Variants in BNC2 observed in about 807,000 individuals in gnomAD.
BNC2 encodes the protein zinc finger protein basonuclin-2.
Under a neutral mutation model 76.3 loss-of-function variants are expected in BNC2, and 20 were observed. The observed-to-expected ratio is 0.26, with a 90% CI of 0.18 to 0.38. BNC2 has a LOEUF of 0.38. Ranked by LOEUF, BNC2 falls within the 10% of genes least tolerant of loss-of-function variation. The probability of loss-of-function intolerance (pLI) is 1.00; values close to 1 mark genes in which losing one functional copy is unlikely to be tolerated. For synonymous variants in BNC2, 582 were observed against 514.8 expected, an observed-to-expected ratio of 1.13 and a Z score of -1.77; for missense variants, 1,382 against 1,399.8, an observed-to-expected ratio of 0.99 and a Z score of 0.20.
intron 5 of BNC2, among the ~76,000 whole-genome samples, chr9:16,474,623 T>C (rs1353546193): frequency 6.6e-6 from 1 of 152,200 alleles, no homozygotes; most frequent in Non-Finnish European, 1.5e-5. Flanking sequence ...ATAAAGTATC[T>C]CTGCAACACT....
intron 1 of BNC2, among the ~76,000 whole-genome samples, chr9:16,844,737 G>A (rs561130717): frequency 5.3e-5 from 8 of 152,204 alleles, no homozygotes; most frequent in African/African-American, 1.2e-4. Flanking sequence ...TACCTCAGGT[G>A]ATCCACCTGC....
At chr9:16,605,327 A>C (rs186336187) in intron 3 of BNC2, among the ~76,000 whole-genome samples, 1 of 152,364 alleles carries the variant, frequency 6.6e-6, no homozygotes, top group Admixed American at 6.5e-5. Flanking sequence ...GCAGTGTTCT[A>C]AACACTCTGA....
chr9:16,457,362 C>T (rs1587050183), intron 5 of BNC2, among the ~76,000 whole-genome samples: 1 of 152,082 alleles, frequency 6.6e-6, no homozygotes, highest in East Asian at 1.9e-4. Context: ...AGATCAGTCC[C>T]AGGATTGCGA....
At chr9:16,622,881 C>A (rs1282804048) in intron 3 of BNC2, among the ~76,000 whole-genome samples, 3 of 151,928 alleles carry the variant, frequency 2.0e-5, no homozygotes, top group African/African-American at 7.3e-5. Context: ...ACTAAAAAAA[C>A]CTTATTATTT....
chr9:16,668,742 T>A (rs1289222060), intron 3 of BNC2, among the ~76,000 whole-genome samples: 3 of 152,246 alleles, frequency 2.0e-5, no homozygotes, highest in Non-Finnish European at 4.4e-5. Context: ...TGCTGTTACC[T>A]AGGGTAAGTG....
chr9:16,615,061 T>C (rs148496561), intron 3 of BNC2, among the ~76,000 whole-genome samples: 174 of 149,240 alleles, frequency 1.2e-3, no homozygotes, highest in African/African-American at 4.2e-3. Context: ...CACACCAGCA[T>C]GCCCCAAATT....
At position 16,435,605 on chromosome 9, in the gene BNC2, G is replaced by A. The variant is rs933149434; in HGVS notation, c.2589C>T (p.Cys863=). The A allele has an allele frequency of 5.0e-6, 8 of 1,614,176 alleles. No individual in the cohort carries two copies. The highest frequency in any genetic ancestry group is 6.8e-6 in the Non-Finnish European group (8 of 1,180,040). The change falls in exon 6 of 7, where the codon TGC becomes TGT. Residue 863 remains cysteine, a synonymous_variant. Coordinates refer to ENST00000380672, the MANE Select transcript of BNC2 (RefSeq NM_017637.6). ...ATGCAGCATTGCAACCAGCCACTGT[G>A]CAGACGTGCATCTCTTTCAAGTGAA... ...RNVHLKEMHV[C]TVAGCNAAFP...
intron 1 of BNC2, among the ~76,000 whole-genome samples, chr9:16,788,707 C>T (rs1465957983): frequency 6.6e-6 from 1 of 151,896 alleles, no homozygotes; most frequent in Non-Finnish European, 1.5e-5. Flanking sequence ...AAGATCAGTG[C>T]CTAGCAAATT....
intron 5 of BNC2, among the ~76,000 whole-genome samples, chr9:16,481,222 CA>C (rs770785327): frequency 6.6e-6 from 1 of 152,048 alleles, no homozygotes; most frequent in Non-Finnish European, 1.5e-5. Flanking sequence ...AGCGCCCTGT[CA>C]AAACAGACTA....
chr9:16,521,278 C>CT (rs1348043154), intron 5 of BNC2, among the ~76,000 whole-genome samples: 4 of 152,220 alleles, frequency 2.6e-5, no homozygotes, highest in African/African-American at 9.6e-5. Context: ...CTATCTCCCT[C>CT]TACCTCCCCT....
intron 1 of BNC2, among the ~76,000 whole-genome samples, chr9:16,747,209 C>T (rs922466667): frequency 1.3e-5 from 2 of 152,104 alleles, no homozygotes; most frequent in African/African-American, 4.8e-5. Flanking sequence ...TGTCCTTGTA[C>T]CCGCTTCTAG....
intron 5 of BNC2, among the ~76,000 whole-genome samples, chr9:16,477,280 C>A (rs1390083366): frequency 6.6e-6 from 1 of 152,038 alleles, no homozygotes; most frequent in African/African-American, 2.4e-5. Flanking sequence ...AATTTTAAAA[C>A]TATCATGCAG....
intron 5 of BNC2, among the ~76,000 whole-genome samples, chr9:16,513,372 T>C (rs989585879): frequency 2.8e-5 from 4 of 143,944 alleles, no homozygotes; most frequent in African/African-American, 5.1e-5. Context: ...AGTGGCACGA[T>C]CTCGGCTCAC....
intron 1 of BNC2, among the ~76,000 whole-genome samples, chr9:16,791,514 G>A (rs1020917208): frequency 6.6e-6 from 1 of 152,144 alleles, no homozygotes; most frequent in Admixed American, 6.6e-5. Context: ...ATTTTAGAAT[G>A]AACTGGCTCA....
intron 5 of BNC2, among the ~76,000 whole-genome samples, chr9:16,445,339 A>G (rs1821210414): frequency 6.6e-6 from 1 of 152,180 alleles, no homozygotes; most frequent in Non-Finnish European, 1.5e-5. Context: ...ACCATTCTCT[A>G]TTCACACAAA....
chr9:16,580,283 G>C (rs1285678983), intron 4 of BNC2: 2 of 397,516 alleles, frequency 5.0e-6, no homozygotes, highest in Non-Finnish European at 4.4e-6. Context: ...AATGGGGAGA[G>C]TGTGGGATTC....
In BNC2 at chr9:16,486,423, T is replaced by C. The variant is rs112196025; in HGVS notation, c.670-48899A>G. 4.9e-3 allele frequency among the ~76,000 whole-genome samples: 750 copies of C among 152,358 alleles called. 6 individuals carry two copies. The highest frequency in any genetic ancestry group is 6.7e-3 in the Non-Finnish European group (454 of 68,034). ...AGGTTGGGGCAGGAAGAATTAATAC[T>C]GAAGCACACCCTGTACTTAATCTTC... is the stretch of plus-strand genomic sequence containing the variant. On this transcript the variant is annotated intron_variant, in intron 5 of 6. Coordinates refer to ENST00000380672, the MANE Select transcript of BNC2 (RefSeq NM_017637.6).
chr9:16,617,026 A>G (rs1820725537), intron 3 of BNC2, among the ~76,000 whole-genome samples: 1 of 152,198 alleles, frequency 6.6e-6, no homozygotes, highest in Admixed American at 6.5e-5. Flanking sequence ...GAATTACAAC[A>G]GGTAATTTGT....
At chr9:16,432,473 C>T (rs541606857) in intron 6 of BNC2, among the ~76,000 whole-genome samples, 1 of 152,332 alleles carries the variant, frequency 6.6e-6, no homozygotes, top group East Asian at 1.9e-4. Context: ...AAAAATGCAA[C>T]TACCTCATGT....
Sources: gnomAD v4.1 joint callset for allele counts (sites outside exome capture counted in the v4.1 genomes callset) on GRCh38, gnomAD v4.1.1 for gene constraint, MANE v1.5 for transcripts, NCBI Gene and HGNC (gene_info 2026-07-23, HGNC 2026-07-21) for gene names.